PROM1: variants seen among roughly 807,000 people sequenced by gnomAD.
PROM1 encodes the protein prominin 1.
In PROM1, 105 loss-of-function variants were observed where a neutral mutation model predicts 116.9. The ratio of observed to expected loss-of-function variants is 0.90; its 90% CI spans 0.77 to 1.06. The LOEUF is 1.06. PROM1 is among the 50% of genes least tolerant of loss of function. PROM1 has a pLI of 0.00. For synonymous variants in PROM1, 393 were observed against 387.0 expected (o/e 1.02, Z -0.18); for missense variants, 1,122 against 1,045.2 (o/e 1.07, Z -1.01).
At chr4:16,077,520 G>C (rs902407404) in intron 1 of PROM1, among the ~76,000 whole-genome samples, 20 of 152,026 alleles carry the variant, frequency 1.3e-4, no homozygotes, top group African/African-American at 4.4e-4. Context: ...TGGTCCCCTG[G>C]GCCCCCTTAT....
intron 2 of PROM1, among the ~76,000 whole-genome samples, chr4:16,042,857 T>C (rs573926805): frequency 3.3e-5 from 5 of 152,288 alleles, no homozygotes; most frequent in African/African-American, 1.2e-4. Context: ...TAACACCCAG[T>C]ACCTCAACGG....
At position 16,025,359 on chromosome 4, in the gene PROM1, A is replaced by G. The variant is rs770499738; in HGVS notation, c.510-47T>C. 7 of 1,607,072 alleles carry G rather than the reference A, an allele frequency of 4.4e-6. No individual in the cohort carries two copies. The Admixed American group carries it at 8.4e-5, about 19-fold the overall frequency. ...AGAAAGAGCATTTACTGTGTGGTCC[A>G]TGGTTCTTTGTCCAGGTCCAGGCAG... On this transcript the variant is annotated intron_variant, in intron 5 of 27. Coordinates refer to ENST00000447510, the MANE Select transcript of PROM1 (RefSeq NM_006017.3).
At chr4:16,079,487 G>A (rs1744594971) in intron 1 of PROM1, 1 of 152,190 alleles carries the variant, frequency 6.6e-6, no homozygotes, top group South Asian at 2.1e-4. Context: ...ACTGATTAAA[G>A]TCAAGTCAAA....
chr4:16,042,218 T>A (rs1735476978), intron 2 of PROM1, among the ~76,000 whole-genome samples: 1 of 152,194 alleles, frequency 6.6e-6, no homozygotes, highest in Non-Finnish European at 1.5e-5. Flanking sequence ...AAAATCAGAA[T>A]TTTGCAAAGT....
intron 16 of PROM1, among the ~76,000 whole-genome samples, chr4:15,992,608 A>G (rs1186333064): frequency 1.3e-5 from 2 of 152,170 alleles, no homozygotes; most frequent in African/African-American, 4.8e-5. Flanking sequence ...AATTTTAAAC[A>G]TAAATTTAAA....
intron 1 of PROM1, among the ~76,000 whole-genome samples, chr4:16,077,635 T>G (rs115590615): frequency 0.018 from 2,727 of 152,130 alleles, 84 homozygotes; most frequent in African/African-American, 0.062. Flanking sequence ...CCCCTTCAAT[T>G]AACCATGCGG....
chr4:16,009,438 G>GT (rs1726327857), intron 11 of PROM1, among the ~76,000 whole-genome samples: 1 of 152,094 alleles, frequency 6.6e-6, no homozygotes, highest in Non-Finnish European at 1.5e-5. Flanking sequence ...TTTATAAATA[G>GT]TAACTCATTT....
intron 26 of PROM1, chr4:15,976,058 G>T (rs1716043185): frequency 5.0e-6 from 2 of 400,168 alleles, no homozygotes; most frequent in Non-Finnish European, 1.0e-5. Context: ...GGCTTCACAG[G>T]TGTATGAAGT....
chr4:15,997,492 A>C (rs1051113083), intron 15 of PROM1, among the ~76,000 whole-genome samples: 20 of 150,996 alleles, frequency 1.3e-4, no homozygotes. Context: ...AGAAAGTCTC[A>C]CTCTTTTGCC....
intron 14 of PROM1, among the ~76,000 whole-genome samples, chr4:15,999,554 T>C (rs1162705769): frequency 6.6e-6 from 1 of 152,124 alleles, no homozygotes. Flanking sequence ...CTGTACGCGC[T>C]TGAGAAGTAG....
intron 13 of PROM1, 30 bp from the exon 14 acceptor site, chr4:16,000,649 A>G (rs750919354): frequency 6.7e-7 from 1 of 1,502,856 alleles, no homozygotes; most frequent in South Asian, 1.2e-5. Context: ...TAGTAATTCA[A>G]CAAAGAATGA....
At chr4:16,077,278 C>G (rs1354477580) in intron 1 of PROM1, among the ~76,000 whole-genome samples, 1 of 152,220 alleles carries the variant, frequency 6.6e-6, no homozygotes, top group Non-Finnish European at 1.5e-5. Context: ...GGCAACAATG[C>G]TGCTCTGTAA....
chr4:15,977,956 C>G (rs1011675982), intron 26 of PROM1, among the ~76,000 whole-genome samples: 1 of 152,148 alleles, frequency 6.6e-6, no homozygotes, highest in Non-Finnish European at 1.5e-5. Flanking sequence ...TTTGTGCACT[C>G]TTAAAATTCA....
chr4:15,969,599 T>C (rs560450264), intron 27 of PROM1, among the ~76,000 whole-genome samples: 1 of 152,290 alleles, frequency 6.6e-6, no homozygotes, highest in Admixed American at 6.5e-5. Flanking sequence ...ATTTATTTAT[T>C]TTTTTGAGAG....
At chr4:16,034,087 AT>A (rs1301724227) in intron 4 of PROM1, among the ~76,000 whole-genome samples, 1 of 152,102 alleles carries the variant, frequency 6.6e-6, no homozygotes, top group Non-Finnish European at 1.5e-5. Context: ...CCCCAAAGGT[AT>A]TTTGTTTGTT....
At position 16,063,489 on chromosome 4, in the gene PROM1, G is replaced by A. The variant is rs559245354; in HGVS notation, c.220+12198C>T. Among the ~76,000 whole-genome samples, 6 of 152,208 alleles carry A rather than the reference G, an allele frequency of 3.9e-5. No individual in the cohort carries two copies. In the East Asian group the frequency reaches 5.8e-4, roughly 15 times the overall value. ...CACATGCCTGTAGTCCCAGCTACTCGGGAGGCCGAAGCAGGAGAATCACTT... is the reference window on the plus strand; with the variant it reads ...CACATGCCTGTAGTCCCAGCTACTCAGGAGGCCGAAGCAGGAGAATCACTT... On this transcript the variant is annotated intron_variant, in intron 2 of 27. Coordinates refer to ENST00000447510, the MANE Select transcript of PROM1 (RefSeq NM_006017.3).
intron 5 of PROM1, among the ~76,000 whole-genome samples, chr4:16,030,903 G>A (rs528069795): frequency 1.3e-5 from 2 of 151,988 alleles, no homozygotes; most frequent in African/African-American, 4.8e-5. Context: ...AAAATCTGCC[G>A]GGCCTGGTGG....
intron 5 of PROM1, among the ~76,000 whole-genome samples, chr4:16,032,863 T>C (rs949809630): frequency 4.6e-5 from 7 of 152,234 alleles, no homozygotes; most frequent in Non-Finnish European, 8.8e-5. Flanking sequence ...TACAATATTT[T>C]CAAATTTCCA....
At chr4:16,060,793 T>C (rs967199448) in intron 2 of PROM1, among the ~76,000 whole-genome samples, 4 of 152,252 alleles carry the variant, frequency 2.6e-5, no homozygotes, top group Non-Finnish European at 4.4e-5. Flanking sequence ...TCCCAACATA[T>C]ATATACATTG....
Sources: allele counts gnomAD v4.1 joint callset (sites outside exome capture counted in the v4.1 genomes callset), GRCh38; gene constraint gnomAD v4.1.1; transcripts MANE v1.5; gene names NCBI Gene and HGNC (gene_info 2026-07-23, HGNC 2026-07-21).